PHACTR3: variants seen among roughly 807,000 people sequenced by gnomAD.
The protein encoded by PHACTR3 is protein phosphatase 1, regulatory subunit 123.
Under a neutral mutation model 66.8 loss-of-function variants are expected in PHACTR3, and 16 were observed. That is an observed-to-expected ratio of 0.24 (90% CI 0.16 to 0.36). The LOEUF is 0.36. PHACTR3 is among the 10% of genes least tolerant of loss of function. The probability of loss-of-function intolerance (pLI) is 1.00; values close to 1 mark genes in which losing one functional copy is unlikely to be tolerated. For missense variants in PHACTR3, 647 were observed against 719.9 expected, an observed-to-expected ratio of 0.90 and a Z score of 1.16; for synonymous variants, 323 against 292.1, an observed-to-expected ratio of 1.11 and a Z score of -1.08.
intron 1 of PHACTR3, among the ~76,000 whole-genome samples, chr20:59,622,995 A>AAAAAAAAAAAAAAAAAAAAAAAAAAAAC: frequency 2.0e-5 from 3 of 146,786 alleles, no homozygotes; most frequent in Non-Finnish European, 4.5e-5. Context: ...AAAAAAAAAA[A>AAAAAAAAAAAAAAAAAAAAAAAAAAAAC]AAAAAACCCA....
At chr20:59,606,678 TG>T (rs1443990228) in intron 1 of PHACTR3, among the ~76,000 whole-genome samples, 1 of 152,246 alleles carries the variant, frequency 6.6e-6, no homozygotes, top group East Asian at 1.9e-4. Context: ...GAAGCAAACT[TG>T]AAATGGAAAT....
At chr20:59,705,621 T>G (rs2037672752) in intron 1 of PHACTR3, among the ~76,000 whole-genome samples, 1 of 148,594 alleles carries the variant, frequency 6.7e-6, no homozygotes, top group Non-Finnish European at 1.5e-5. Flanking sequence ...CATCAGCTGC[T>G]CAAAGGGTGA....
At chr20:59,663,314 G>A (rs1369657010) in intron 1 of PHACTR3, among the ~76,000 whole-genome samples, 1 of 152,172 alleles carries the variant, frequency 6.6e-6, no homozygotes, top group Non-Finnish European at 1.5e-5. Context: ...CTACAGAGAG[G>A]GAGGCGGATT....
chr20:59,708,368 C>T (rs1428553063), intron 1 of PHACTR3, among the ~76,000 whole-genome samples: 1 of 152,168 alleles, frequency 6.6e-6, no homozygotes, highest in Non-Finnish European at 1.5e-5. Context: ...GACCGAGGCA[C>T]CACATCCACA....
chr20:59,812,684 C>T (rs983711829), intron 8 of PHACTR3, among the ~76,000 whole-genome samples: 21 of 152,278 alleles, frequency 1.4e-4, no homozygotes, highest in African/African-American at 4.1e-4. Context: ...ACTGCATGGA[C>T]GGAAATTTTC....
chr20:59,762,863 G>A (rs1359733968), intron 4 of PHACTR3, among the ~76,000 whole-genome samples: 5 of 152,164 alleles, frequency 3.3e-5, no homozygotes, highest in Admixed American at 1.3e-4. Context: ...AAATATTTTC[G>A]AAGTAGAGTT....
At chr20:59,767,132 C>T (rs2083733714) in intron 4 of PHACTR3, 54 bp from the exon 5 acceptor site, 3 of 1,583,544 alleles carry the variant, frequency 1.9e-6, no homozygotes. Flanking sequence ...TCTCTTACTT[C>T]CACTGCTGTC....
intron 1 of PHACTR3, among the ~76,000 whole-genome samples, chr20:59,605,858 T>TGGGGGGGGAGGTG (rs1555876878): frequency 1.1e-5 from 1 of 87,686 alleles, no homozygotes; most frequent in African/African-American, 4.8e-5. Flanking sequence ...GGGGGGGAGG[T>TGGGGGGGGAGGTG]GGGGGGGGGG....
At chr20:59,797,876 C>CTT (rs1010795388) in intron 7 of PHACTR3, among the ~76,000 whole-genome samples, 1 of 144,588 alleles carries the variant, frequency 6.9e-6, no homozygotes, top group African/African-American at 2.5e-5. Flanking sequence ...GTTTGATTTG[C>CTT]TTTTTTTTTT....
At position 59,830,199 on chromosome 20, in the gene PHACTR3, TATGAGTGTCTGATAGAAGAGGGC is replaced by T. The variant is rs1402177452; in HGVS notation, c.1329-6305_1329-6283del. Among the ~76,000 whole-genome samples the T allele has an allele frequency of 1.0e-3, 159 of 151,542 alleles. No individual in the cohort carries two copies. Among genetic ancestry groups the T allele is most frequent in the African/African-American group, 3.5e-3 (145 of 41,250 alleles). On this transcript the variant is annotated intron_variant, in intron 8 of 12. Transcript: ENST00000371015. This position sits in a 1 kb window ranked among gnomAD's most constrained non-coding sequence, Gnocchi z 5.8. ...GGTGTGCGTGTCTGATGGAAGAGGG[TATGAGTGTCTGATAGAAGAGGGC>T]GTGAGTGTCTGATGGAAGAGGGTAT...
chr20:59,618,867 A>G (rs1600929071), intron 1 of PHACTR3, among the ~76,000 whole-genome samples: 2 of 152,126 alleles, frequency 1.3e-5, no homozygotes, highest in East Asian at 3.9e-4. Flanking sequence ...AGAGCCTGGA[A>G]CTGTTTAGAG....
intron 1 of PHACTR3, among the ~76,000 whole-genome samples, chr20:59,673,163 T>C (rs1036116847): frequency 5.3e-5 from 8 of 152,240 alleles, no homozygotes; most frequent in Admixed American, 4.6e-4. Flanking sequence ...CCTCAATTTA[T>C]TTGGCATCTT....
rs1055286298 is a variant in PHACTR3, at chr20:59,736,930, C to T, written c.119-6177C>T. 3.6e-4 allele frequency among the ~76,000 whole-genome samples: 55 copies of T among 152,160 alleles called. 3 individuals carry two copies. Among genetic ancestry groups the T allele is most frequent in the Non-Finnish European group, 3.1e-4 (21 of 68,016 alleles). On this transcript the variant is annotated intron_variant, in intron 1 of 12. Coordinates refer to ENST00000371015, the MANE Select transcript of PHACTR3 (RefSeq NM_080672.5). The surrounding 1 kb of genome is among the most constrained non-coding windows in gnomAD (Gnocchi z 4.6). The stretch of plus-strand genomic sequence containing the variant: ...GGGGCCCCTGGGCATGGGGTCTTCA[C>T]TCCTCTGATGACAGTTGAGCCCCTT...
intron 1 of PHACTR3, among the ~76,000 whole-genome samples, chr20:59,620,428 G>A (rs958016469): frequency 3.3e-5 from 5 of 152,262 alleles, no homozygotes; most frequent in South Asian, 2.1e-4. Context: ...CACGTGGCAC[G>A]CGGCCAGCAT....
At position 59,590,743 on chromosome 20, in the gene PHACTR3, C is replaced by T. The variant is rs142089329; in HGVS notation, c.109+13126C>T. ...TTATTGCTCACTGTTCTGCAGCCTG[C>T]GAAGTCCAAGATCAAGGGGCCGGCA... On this transcript the variant is annotated intron_variant, in intron 1 of 12. Transcript: ENST00000359926. Among the ~76,000 whole-genome samples the T allele has an allele frequency of 4.4e-4, 67 of 152,260 alleles. No homozygotes were observed. In the East Asian group the frequency reaches 4.4e-3, roughly 10 times the overall value.
At chr20:59,726,427 T>G (rs546374541) in intron 1 of PHACTR3, among the ~76,000 whole-genome samples, 1 of 152,246 alleles carries the variant, frequency 6.6e-6, no homozygotes, top group South Asian at 2.1e-4. Context: ...TTATTCCCCA[T>G]GACACTGGGC....
At chr20:59,755,946 T>C (rs1236457395) in intron 4 of PHACTR3, among the ~76,000 whole-genome samples, 2 of 152,128 alleles carry the variant, frequency 1.3e-5, no homozygotes, top group East Asian at 3.9e-4. Flanking sequence ...TCAGTTTCCC[T>C]CTGTTAAATG....
chr20:59,622,728 G>A (rs759616053), intron 1 of PHACTR3, among the ~76,000 whole-genome samples: 1 of 151,860 alleles, frequency 6.6e-6, no homozygotes, highest in South Asian at 2.1e-4. Flanking sequence ...GAGATGCCTC[G>A]GGACCTGAGC....
chr20:59,598,852 C>T (rs751448312), intron 1 of PHACTR3, among the ~76,000 whole-genome samples: 3 of 152,180 alleles, frequency 2.0e-5, no homozygotes, highest in Non-Finnish European at 2.9e-5. Context: ...GCCCACCTGA[C>T]GAACCTGGCC....
Sources: allele counts gnomAD v4.1 joint callset (sites outside exome capture counted in the v4.1 genomes callset), GRCh38; gene constraint gnomAD v4.1.1; non-coding constraint Gnocchi (gnomAD v3.1); transcripts MANE v1.5; gene names NCBI Gene and HGNC (gene_info 2026-07-23, HGNC 2026-07-21).